GGT1: variants seen among roughly 807,000 people sequenced by gnomAD.
GGT1 encodes gamma-glutamyltransferase 1, also known as glutathione hydrolase 1 proenzyme.
In GGT1, 21 loss-of-function variants were observed where a neutral mutation model predicts 56.0. That is an observed-to-expected ratio of 0.38 (90% CI 0.27 to 0.54). GGT1 has a LOEUF of 0.54. Ranked by LOEUF, GGT1 falls within the 20% of genes least tolerant of loss-of-function variation. The pLI is 0.82. For missense variants in GGT1, 466 were observed against 787.0 expected (o/e 0.59, Z 4.88); for synonymous variants, 238 against 342.6 (o/e 0.69, Z 3.37).
At chr22:24,624,111 CAGTGTGGGGAATT>C (rs2047598511) in intron 11 of GGT1, 195 bp downstream of exon 11, 2 of 985,300 alleles carry the variant, frequency 2.0e-6, no homozygotes, top group African/African-American at 3.5e-5. Flanking sequence ...ACAGAACTGA[CAGTGTGGGGAATT>C]AGTGGCCACC....
upstream of GGT1, chr22:24,594,806 A>T (rs145475611): frequency 3.3e-5 from 5 of 152,082 alleles, no homozygotes; most frequent in Non-Finnish European, 7.3e-5. Context: ...TGAAGTGGCA[A>T]CCTACCCGGT....
intron 9 of GGT1, among the ~76,000 whole-genome samples, chr22:24,622,208 A>G (rs1019984041): frequency 6.4e-5 from 8 of 125,896 alleles, no homozygotes; most frequent in African/African-American, 2.4e-4. Context: ...AACTACATAA[A>G]TATAGTGGGG....
intron 5 of GGT1, among the ~76,000 whole-genome samples, chr22:24,614,445 G>A (rs520286): frequency 1.4e-5 from 2 of 145,816 alleles, no homozygotes; most frequent in Non-Finnish European, 3.0e-5. Flanking sequence ...GTGAAACCCC[G>A]TCTCTACTAA....
intron 11 of GGT1, among the ~76,000 whole-genome samples, chr22:24,626,619 A>G (rs2047794848): frequency 6.6e-6 from 1 of 151,540 alleles, no homozygotes; most frequent in South Asian, 2.1e-4. Context: ...AGTCGGCGCC[A>G]TCCTTGATTC....
intron 1 of GGT1, among the ~76,000 whole-genome samples, chr22:24,595,255 T>A (rs568743619): frequency 4.6e-5 from 7 of 152,264 alleles, no homozygotes; most frequent in Non-Finnish European, 7.4e-5. Context: ...TTGGATGGGC[T>A]TTTCTCTGCC....
the GGT1 span, chr22:24,586,044 G>A: frequency 2.6e-5 from 42 of 1,611,402 alleles, no homozygotes; most frequent in East Asian, 7.8e-4. Context: ...AGCCGCCGGC[G>A]CAGGCCGACC....
upstream of GGT1, among the ~76,000 whole-genome samples, chr22:24,591,056 G>A (rs371892250): frequency 6.6e-5 from 10 of 152,214 alleles, no homozygotes; most frequent in South Asian, 1.0e-3. Flanking sequence ...CCACAGGACT[G>A]GTGTGGGGCT....
chr22:24,623,156 C>T lies in GGT1; in HGVS notation c.783C>T (p.Ile261=), dbSNP rs780079656. The change falls in exon 10 of 16, where the codon ATC becomes ATT. Residue 261 remains isoleucine (I), a synonymous_variant. Transcript: ENST00000400382. ...TGAACAACTACCGTGCTGAGCTGATCGAGCACCCGCTGAACATCAGCCTGG... is the reference window on the plus strand; with the variant it reads ...TGAACAACTACCGTGCTGAGCTGATTGAGCACCCGCTGAACATCAGCCTGG... ...EDLNNYRAEL[I]EHPLNISLGD... is the part of the protein sequence containing the mutation. 1.7e-5 allele frequency: 28 copies of T among 1,606,628 alleles called. No homozygotes were observed. Among genetic ancestry groups the T allele is most frequent in the Admixed American group, 1.5e-4 (9 of 59,588 alleles).
chr22:24,625,040 C>T (rs529310839), intron 11 of GGT1, among the ~76,000 whole-genome samples: 1 of 152,354 alleles, frequency 6.6e-6, no homozygotes, highest in Non-Finnish European at 1.5e-5. Context: ...CATCAATGCT[C>T]CCTTTTCCTG....
At chr22:24,586,572 T>C in the GGT1 span, among the ~76,000 whole-genome samples, 1 of 152,228 alleles carries the variant, frequency 6.6e-6, no homozygotes, top group Non-Finnish European at 1.5e-5. Flanking sequence ...GCTCTTTTTG[T>C]CCAGGCTGGA....
At chr22:24,625,811 G>A (rs1013191828) in intron 11 of GGT1, among the ~76,000 whole-genome samples, 10 of 150,764 alleles carry the variant, frequency 6.6e-5, no homozygotes, top group Admixed American at 1.3e-4. Flanking sequence ...TTACAGGCAT[G>A]AGCCACCGTG....
rs1279611910 is a variant in GGT1 at position 24,605,063 on chromosome 22, TGTA to T, written c.-429+1537_-429+1539del. Among the ~76,000 whole-genome samples the T allele has an allele frequency of 1.1e-4, 9 of 79,360 alleles. 1 individual carries two copies. The highest frequency in any genetic ancestry group is 2.2e-4 in the African/African-American group (3 of 13,344). 52.1% of individuals were successfully genotyped at this position (79,360 alleles called of 152,430 possible). A position where few individuals can be genotyped will look rare whatever the true frequency, so the allele number is the denominator to read the frequency against. ...AATATGTAATATATTATATATTATA[TGTA>T]ATATATAATATATAAAGTATATTAT... On this transcript the variant is annotated intron_variant, in intron 1 of 15. Transcript: ENST00000400382.
chr22:24,603,939 C>CTA (rs2045866295), intron 1 of GGT1, among the ~76,000 whole-genome samples: 3 of 151,590 alleles, frequency 2.0e-5, no homozygotes, highest in South Asian at 4.2e-4. Context: ...CACCTCTCAG[C>CTA]TATATATATA....
At chr22:24,589,622 C>T in the GGT1 span, 1 of 647,592 alleles carries the variant, frequency 1.5e-6, no homozygotes, top group Non-Finnish European at 2.5e-6. Context: ...TCCTGCAAAG[C>T]ACAGCTCACA....
intron 5 of GGT1, among the ~76,000 whole-genome samples, chr22:24,612,244 CTTTTTTTTTTTT>C (rs796939700): frequency 1.3e-5 from 1 of 75,372 alleles, no homozygotes. Flanking sequence ...CCGGCTTATT[CTTTTTTTTTTTT>C]TTTTTTTTTG....
intron 1 of GGT1, among the ~76,000 whole-genome samples, chr22:24,605,232 T>A (rs796768100): frequency 0.079 from 183 of 2,312 alleles, 32 homozygotes; most frequent in Admixed American, 0.19. Flanking sequence ...ATAATATGTA[T>A]TATATTATAT....
chr22:24,601,489 C>T (rs2045781897), upstream of GGT1, among the ~76,000 whole-genome samples: 1 of 152,200 alleles, frequency 6.6e-6, no homozygotes, highest in South Asian at 2.1e-4. Context: ...CCCTTCCCCT[C>T]TCAGGCTGCA....
chr22:24,605,212 T>A (rs1462821089), intron 1 of GGT1, among the ~76,000 whole-genome samples: 2 of 24,646 alleles, frequency 8.1e-5, no homozygotes, highest in African/African-American at 2.1e-4. Flanking sequence ...TGTATTATAT[T>A]ATATATTATA....
At chr22:24,583,818 T>G in the GGT1 span, 1 of 470,844 alleles carries the variant, frequency 2.1e-6, no homozygotes. Flanking sequence ...GGTAGGAATC[T>G]CTCAGTGACA....
Sources: allele counts gnomAD v4.1 joint callset (sites outside exome capture counted in the v4.1 genomes callset), GRCh38; gene constraint gnomAD v4.1.1; transcripts MANE v1.5; gene names NCBI Gene and HGNC (gene_info 2026-07-23, HGNC 2026-07-21).